Variants in MEGF10 observed in about 807,000 individuals in gnomAD.
MEGF10 encodes multiple epidermal growth factor-like domains protein 10.
A neutral mutation model predicts 147.5 loss-of-function variants in MEGF10; 86 were observed. That is an observed-to-expected ratio of 0.58 (90% CI 0.49 to 0.70). The LOEUF (loss-of-function observed/expected upper bound fraction) is 0.70. MEGF10 is among the 30% of genes least tolerant of loss of function. The probability of loss-of-function intolerance (pLI) is 0.00; values close to 1 mark genes in which losing one functional copy is unlikely to be tolerated. For missense variants in MEGF10, 1,329 were observed against 1,487.3 expected (o/e 0.89, Z 1.75); for synonymous variants, 478 against 525.5 (o/e 0.91, Z 1.24).
intron 16 of MEGF10, among the ~76,000 whole-genome samples, chr5:127,438,203 C>T (rs903372004): frequency 5.9e-5 from 9 of 152,036 alleles, no homozygotes; most frequent in African/African-American, 2.2e-4. Flanking sequence ...GATTTTTGCC[C>T]CAGCCACCTC....
At chr5:127,310,009 C>T (rs866978420) in intron 1 of MEGF10, among the ~76,000 whole-genome samples, 12 of 58,728 alleles carry the variant, frequency 2.0e-4, no homozygotes, top group Admixed American at 4.1e-4. Context: ...TTCCTTCCTT[C>T]CTTTCTTTTT....
intron 5 of MEGF10, among the ~76,000 whole-genome samples, chr5:127,377,942 A>G (rs1477535967): frequency 2.6e-5 from 4 of 152,240 alleles, no homozygotes; most frequent in Admixed American, 2.6e-4. Flanking sequence ...ATAACTGGGA[A>G]GGATTGGGTT....
intron 4 of MEGF10, among the ~76,000 whole-genome samples, chr5:127,352,245 T>TACCC (rs1762111807): frequency 6.6e-6 from 1 of 152,212 alleles, no homozygotes; most frequent in South Asian, 2.1e-4. Context: ...TGTATGAGGG[T>TACCC]ACCCACTTCC....
intron 1 of MEGF10, among the ~76,000 whole-genome samples, chr5:127,300,883 G>A (rs188552297): frequency 9.2e-5 from 14 of 152,320 alleles, no homozygotes; most frequent in Admixed American, 7.2e-4. Flanking sequence ...AGTGTTAGCA[G>A]AGCCCCACTC....
the MEGF10 span, among the ~76,000 whole-genome samples, chr5:127,247,411 A>AAGAAGAAGGAGAAGGAGAAGG: frequency 1.7e-5 from 1 of 57,980 alleles, no homozygotes; most frequent in African/African-American, 8.9e-5. Flanking sequence ...GAAGAAGAAG[A>AAGAAGAAGGAGAAGGAGAAGG]AGAAGAAGAA....
chr5:127,387,472 C>G (rs1259632919), intron 5 of MEGF10, among the ~76,000 whole-genome samples: 3 of 152,208 alleles, frequency 2.0e-5, no homozygotes, highest in Non-Finnish European at 4.4e-5. Context: ...TATTATTTCT[C>G]AGATAAACAG....
At chr5:127,301,517 G>C (rs889778448) in intron 1 of MEGF10, among the ~76,000 whole-genome samples, 1 of 152,220 alleles carries the variant, frequency 6.6e-6, no homozygotes, top group African/African-American at 2.4e-5. Flanking sequence ...GTTGGATGTT[G>C]ATTTACACAA....
intron 19 of MEGF10, 39 bp from the exon 20 acceptor site, chr5:127,445,418 A>C (rs1477712499): frequency 6.7e-7 from 1 of 1,497,924 alleles, no homozygotes; most frequent in African/African-American, 1.4e-5. Flanking sequence ...TTTATCCAGC[A>C]CATTGTCATC....
At position 127,458,685 on chromosome 5, in the gene MEGF10, G is replaced by A. The variant is rs917202755; in HGVS notation, c.*1367G>A. ...ATTGGCTTATAAATGAAGTAGAAATGCTTTTTAATATTCCAAAATAGAGTT... is the reference window on the plus strand; with the variant it reads ...ATTGGCTTATAAATGAAGTAGAAATACTTTTTAATATTCCAAAATAGAGTT... On this transcript the variant is annotated 3_prime_UTR_variant, in exon 25 of 25. Coordinates refer to ENST00000503335, the MANE Select transcript of MEGF10 (RefSeq NM_001256545.2). 2 of 152,134 alleles carry A rather than the reference G, an allele frequency of 1.3e-5. No individual in the cohort carries two copies. Among genetic ancestry groups the A allele is most frequent in the African/African-American group, 2.4e-5 (1 of 41,432 alleles). 9.4% of individuals were successfully genotyped at this position (152,134 alleles called of 1,614,324 possible).
rs11950427 is a variant in MEGF10 at position 127,433,454 on chromosome 5, T to C, written c.1785T>C (p.Pro595=). 0.16 allele frequency: 254,880 copies of C among 1,613,632 alleles called. 21,474 individuals are homozygous for C. Among genetic ancestry groups the C allele is most frequent in the African/African-American group, 0.3 (22,591 of 74,944 alleles). ...GTAAAAATGGGGCTTCATGCTCCCC[T>C]GATGATGGCATCTGCGAGTGTGCAC... ...CYCKNGASCS[P]DDGICECAPG... The change falls in exon 14 of 25, where the codon CCT becomes CCC. Residue 595 remains proline (P), a synonymous_variant. Coordinates refer to ENST00000503335, the MANE Select transcript of MEGF10 (RefSeq NM_001256545.2).
the MEGF10 span, among the ~76,000 whole-genome samples, chr5:127,283,780 A>G: frequency 6.6e-6 from 1 of 152,222 alleles, no homozygotes; most frequent in African/African-American, 2.4e-5. Flanking sequence ...AGGGCATTAC[A>G]TATGGTAAGA....
At chr5:127,410,023 T>C (rs568955849) in intron 8 of MEGF10, 1 of 183,880 alleles carries the variant, frequency 5.4e-6, no homozygotes, top group African/African-American at 2.3e-5. Flanking sequence ...TTCATAATTA[T>C]GGACTAACAT....
chr5:127,436,518 G>T (rs1447908313), intron 16 of MEGF10, among the ~76,000 whole-genome samples: 1 of 152,184 alleles, frequency 6.6e-6, no homozygotes, highest in South Asian at 2.1e-4. Flanking sequence ...AAATCTACAT[G>T]TGTTGCAAGG....
chr5:127,365,391 T>C (rs143219787), intron 4 of MEGF10, among the ~76,000 whole-genome samples: 92 of 152,286 alleles, frequency 6.0e-4, no homozygotes, highest in African/African-American at 2.2e-3. Flanking sequence ...CTATTGAGTA[T>C]AGTTAATGGC....
chr5:127,417,421 G>C (rs746489307), intron 9 of MEGF10, among the ~76,000 whole-genome samples: 15 of 152,204 alleles, frequency 9.9e-5, no homozygotes, highest in Non-Finnish European at 1.9e-4. Flanking sequence ...TCCTGCTAGA[G>C]ATGATGCTGA....
chr5:127,349,239 G>A (rs1762003189), intron 4 of MEGF10, among the ~76,000 whole-genome samples: 1 of 152,080 alleles, frequency 6.6e-6, no homozygotes, highest in Admixed American at 6.6e-5. Flanking sequence ...TCACAAGGTT[G>A]AAAGATAGTT....
chr5:127,325,889 A>G (rs185748235), intron 1 of MEGF10, among the ~76,000 whole-genome samples: 3,618 of 23,900 alleles, frequency 0.15, 96 homozygotes, highest in East Asian at 0.41. Flanking sequence ...GTGTGTGTGT[A>G]TATATATATA....
At chr5:127,407,442 C>T (rs1197991218) in intron 8 of MEGF10, among the ~76,000 whole-genome samples, 6 of 152,080 alleles carry the variant, frequency 3.9e-5, no homozygotes, top group African/African-American at 1.2e-4. Flanking sequence ...ATATTAAAAC[C>T]AGTCTATGAC....
chr5:127,368,823 T>A (rs369063334), intron 4 of MEGF10, among the ~76,000 whole-genome samples: 1 of 152,108 alleles, frequency 6.6e-6, no homozygotes, highest in Admixed American at 6.6e-5. Flanking sequence ...TTAATATTAA[T>A]GACATGGAAA....
Sources: gnomAD v4.1 joint callset for allele counts (sites outside exome capture counted in the v4.1 genomes callset) on GRCh38, gnomAD v4.1.1 for gene constraint, MANE v1.5 for transcripts, NCBI Gene and HGNC (gene_info 2026-07-23, HGNC 2026-07-21) for gene names.